Variants in CAMTA1 observed in about 807,000 individuals in gnomAD.
CAMTA1 encodes the protein calmodulin binding transcription activator 1.
In CAMTA1, 27 loss-of-function variants were observed where a neutral mutation model predicts 170.9. That is an observed-to-expected ratio of 0.16 (90% CI 0.12 to 0.22). The LOEUF is 0.22. Ranked by LOEUF, CAMTA1 falls within the 10% of genes least tolerant of loss-of-function variation. CAMTA1 has a pLI of 1.00. For synonymous variants in CAMTA1, 833 were observed against 891.5 expected (o/e 0.93, Z 1.17); for missense variants, 1,619 against 2,217.2 (o/e 0.73, Z 5.42).
intron 4 of CAMTA1, among the ~76,000 whole-genome samples, chr1:7,162,439 C>A (rs1467770160): frequency 6.6e-6 from 1 of 152,064 alleles, no homozygotes; most frequent in Non-Finnish European, 1.5e-5. Flanking sequence ...AACCCTGTAC[C>A]CATCAGCAGG....
At chr1:7,271,599 G>GATAGATAGAT (rs937434011) in intron 5 of CAMTA1, among the ~76,000 whole-genome samples, 2 of 133,788 alleles carry the variant, frequency 1.5e-5, no homozygotes, top group African/African-American at 6.7e-5. Flanking sequence ...TAGATAGATA[G>GATAGATAGAT]ATAGATAGAT....
intron 4 of CAMTA1, among the ~76,000 whole-genome samples, chr1:7,104,375 C>T (rs541053965): frequency 3.2e-4 from 48 of 151,856 alleles, no homozygotes; most frequent in African/African-American, 1.1e-3. Context: ...CACATACACA[C>T]ACACACACAC....
At chr1:6,964,346 T>A (rs537866747) in intron 3 of CAMTA1, among the ~76,000 whole-genome samples, 1 of 143,838 alleles carries the variant, frequency 7.0e-6, no homozygotes, top group South Asian at 2.2e-4. Context: ...CCTGGGTACC[T>A]GGGGAGGGCG....
At position 7,053,975 on chromosome 1, in the gene CAMTA1, G is replaced by T. The variant is rs552902143; in HGVS notation, c.235-37329G>T. 4.5e-4 allele frequency among the ~76,000 whole-genome samples: 68 copies of T among 152,300 alleles called. No individual in the cohort carries two copies. In the South Asian group the frequency reaches 0.014, roughly 31 times the overall value. ...CTGGCCTGCCCTTGCCCATTTTGGG[G>T]ACTTGCTGCTCCTGCTGCCTCTGCT... On this transcript the variant is annotated intron_variant, in intron 3 of 22. Transcript: ENST00000303635.
chr1:7,266,763 G>A (rs1669004680), intron 5 of CAMTA1, among the ~76,000 whole-genome samples: 1 of 152,234 alleles, frequency 6.6e-6, no homozygotes, highest in Non-Finnish European at 1.5e-5. Context: ...GGCCATTGCT[G>A]CAAAGAGCTG....
intron 4 of CAMTA1, among the ~76,000 whole-genome samples, chr1:7,106,034 G>A (rs1317208696): frequency 6.6e-6 from 1 of 152,072 alleles, no homozygotes; most frequent in Non-Finnish European, 1.5e-5. Flanking sequence ...TACAGTTTCA[G>A]TTTTTATCTG....
At chr1:7,011,899 A>C (rs959791570) in intron 3 of CAMTA1, among the ~76,000 whole-genome samples, 6 of 152,078 alleles carry the variant, frequency 3.9e-5, no homozygotes, top group Admixed American at 3.9e-4. Flanking sequence ...CCCACTCTTC[A>C]AATACCACAT....
chr1:7,680,432 G>A lies in CAMTA1; in HGVS notation c.2914+2699G>A, dbSNP rs1228775860. Among the ~76,000 whole-genome samples the A allele has an allele frequency of 1.3e-5, 2 of 152,074 alleles. No homozygotes were observed. The highest frequency in any genetic ancestry group is 2.9e-5 in the Non-Finnish European group (2 of 67,986). On this transcript the variant is annotated intron_variant, in intron 11 of 22. Coordinates refer to ENST00000303635, the MANE Select transcript of CAMTA1 (RefSeq NM_015215.4). This position sits in a 1 kb window ranked among gnomAD's most constrained non-coding sequence, Gnocchi z 4.4. Reference sequence around the variant, plus strand: ...CGGAGCAAACTGGGGCACGGCTGCCGGCGGCGCGCGTGCACACACTCTCTC... The same window carrying A: ...CGGAGCAAACTGGGGCACGGCTGCCAGCGGCGCGCGTGCACACACTCTCTC...
intron 3 of CAMTA1, among the ~76,000 whole-genome samples, chr1:6,951,697 T>C (rs1688515901): frequency 6.6e-6 from 1 of 152,134 alleles, no homozygotes; most frequent in Admixed American, 6.5e-5. Flanking sequence ...CATCGGGCTA[T>C]AGCTCCCCAG....
At chr1:7,387,416 T>C (rs1440771307) in intron 5 of CAMTA1, among the ~76,000 whole-genome samples, 1 of 152,116 alleles carries the variant, frequency 6.6e-6, no homozygotes, top group East Asian at 1.9e-4. Context: ...GAAATTCCCA[T>C]TCTCTTCTCC....
chr1:7,480,436 A>G (rs1461799532), intron 6 of CAMTA1, among the ~76,000 whole-genome samples: 1 of 151,654 alleles, frequency 6.6e-6, no homozygotes, highest in Non-Finnish European at 1.5e-5. Context: ...AGACAGAGAG[A>G]GATATCCTCG....
At chr1:7,134,179 C>T (rs1488214708) in intron 4 of CAMTA1, among the ~76,000 whole-genome samples, 2 of 152,224 alleles carry the variant, frequency 1.3e-5, no homozygotes, top group African/African-American at 2.4e-5. Flanking sequence ...CATTAATTCA[C>T]ATAGGATTAT....
chr1:7,564,220 C>G (rs562590864), intron 6 of CAMTA1, among the ~76,000 whole-genome samples: 2 of 152,208 alleles, frequency 1.3e-5, no homozygotes, highest in Non-Finnish European at 2.9e-5. Context: ...GTAGGGCTGG[C>G]CTTTGTCACT....
At position 6,836,054 on chromosome 1, in the gene CAMTA1, CCTGT is replaced by C. The variant is rs1162203735; in HGVS notation, c.234+10847_234+10850del. Among the ~76,000 whole-genome samples the C allele has an allele frequency of 4.6e-5, 7 of 152,170 alleles. No individual in the cohort carries two copies. The South Asian group carries it at 1.2e-3, about 27-fold the overall frequency. ...GTGTCACAGTCTGCCTGCCTACCTG[CCTGT>C]CTACCTGTCTACCTGCCTATCCAGC... is the stretch of plus-strand genomic sequence containing the variant. On this transcript the variant is annotated intron_variant, in intron 3 of 22. Transcript: ENST00000303635.
At chr1:7,211,030 T>C (rs1182459129) in intron 4 of CAMTA1, among the ~76,000 whole-genome samples, 1 of 152,258 alleles carries the variant, frequency 6.6e-6, no homozygotes, top group Non-Finnish European at 1.5e-5. Flanking sequence ...CAGATTTTTT[T>C]CAGTGAACAC....
chr1:6,905,188 CTT>C (rs34960802), intron 3 of CAMTA1, among the ~76,000 whole-genome samples: 4 of 109,902 alleles, frequency 3.6e-5, no homozygotes, highest in African/African-American at 7.7e-5. Context: ...TGCCTTGTTC[CTT>C]TTTTTTTTTT....
chr1:7,174,665 C>G (rs540573518), intron 4 of CAMTA1, among the ~76,000 whole-genome samples: 2 of 152,338 alleles, frequency 1.3e-5, no homozygotes, highest in South Asian at 4.1e-4. Flanking sequence ...ACCTGAGACC[C>G]AGTTCTGCAG....
rs1020238768 is a variant in CAMTA1, at chr1:7,673,516, C to T, written c.2779+2479C>T. On this transcript the variant is annotated intron_variant, in intron 10 of 22. Transcript: ENST00000303635. This position sits in a 1 kb window ranked among gnomAD's most constrained non-coding sequence, Gnocchi z 4.6. ...GGTCTCAACAGGCAGTTCTCCTGGT[C>T]CTGGGGCATTTCTGGGTCCCCAGAG... Among the ~76,000 whole-genome samples the T allele has an allele frequency of 3.3e-5, 5 of 152,188 alleles. No individual in the cohort carries two copies. Among genetic ancestry groups the T allele is most frequent in the Admixed American group, 3.3e-4 (5 of 15,288 alleles).
chr1:7,501,052 C>T (rs2093997360), intron 6 of CAMTA1, among the ~76,000 whole-genome samples: 1 of 152,156 alleles, frequency 6.6e-6, no homozygotes, highest in African/African-American at 2.4e-5. Context: ...CACAGATCCT[C>T]GGAAGCGGTT....
Sources: gnomAD v4.1 joint callset for allele counts (sites outside exome capture counted in the v4.1 genomes callset) on GRCh38, gnomAD v4.1.1 for gene constraint, Gnocchi (gnomAD v3.1) non-coding constraint, MANE v1.5 for transcripts, NCBI Gene and HGNC (gene_info 2026-07-23, HGNC 2026-07-21) for gene names.